SFMBT1: variants seen among roughly 807,000 people sequenced by gnomAD.
The protein encoded by SFMBT1 is Scm like with four mbt domains 1.
In SFMBT1, 32 loss-of-function variants were observed where a neutral mutation model predicts 108.7. That is an observed-to-expected ratio of 0.29 (90% CI 0.22 to 0.40). SFMBT1 has a LOEUF of 0.40. Ranked by LOEUF, SFMBT1 falls within the 10% of genes least tolerant of loss-of-function variation. SFMBT1 has a pLI of 1.00. For synonymous variants in SFMBT1, 348 were observed against 369.5 expected (o/e 0.94, Z 0.67); for missense variants, 816 against 1,059.6 (o/e 0.77, Z 3.19).
At chr3:53,041,304 G>C (rs1316987308) in intron 1 of SFMBT1, among the ~76,000 whole-genome samples, 1 of 152,096 alleles carries the variant, frequency 6.6e-6, no homozygotes, top group Non-Finnish European at 1.5e-5. Flanking sequence ...GAAGTCATAT[G>C]ATTTTTCTAT....
chr3:52,919,332 A>G (rs752861374), intron 12 of SFMBT1, among the ~76,000 whole-genome samples: 3 of 152,222 alleles, frequency 2.0e-5, no homozygotes, highest in Non-Finnish European at 4.4e-5. Context: ...AGCATGGAAT[A>G]TTATTCAGCT....
intron 10 of SFMBT1, among the ~76,000 whole-genome samples, chr3:52,923,426 G>A (rs965454706): frequency 2.0e-5 from 3 of 151,998 alleles, no homozygotes; most frequent in Non-Finnish European, 4.4e-5. Flanking sequence ...AATTAGCTGG[G>A]TGTGGTGGCG....
chr3:53,045,388 G>A (rs1390008990), intron 1 of SFMBT1: 9 of 143,126 alleles, frequency 6.3e-5, no homozygotes, highest in Non-Finnish European at 1.2e-4. Flanking sequence ...GCGCGGGGAG[G>A]GGCGCGCGGC....
At position 52,916,945 on chromosome 3, in the gene SFMBT1, T is replaced by C. The variant is rs76199699; in HGVS notation, c.1416-731A>G. Among the ~76,000 whole-genome samples, 20 of 152,272 alleles carry C rather than the reference T, an allele frequency of 1.3e-4. No individual in the cohort carries two copies. In the East Asian group the frequency reaches 2.5e-3, roughly 19 times the overall value. On this transcript the variant is annotated intron_variant, in intron 13 of 20. Transcript: ENST00000394752. Reference sequence around the variant, plus strand: ...GGGTTCGTTTTCTTCGTCCATCAGTTTTCAAATTAAAGACAAATTATGTTA... The same window carrying C: ...GGGTTCGTTTTCTTCGTCCATCAGTCTTCAAATTAAAGACAAATTATGTTA...
rs984747434 is a variant in SFMBT1 at position 53,000,153 on chromosome 3, C to T, written c.-130-30895G>A. On this transcript the variant is annotated intron_variant, in intron 1 of 20. Transcript: ENST00000394752. ...CTGGGATTACAGGCGTGAGCCACCG[C>T]ACCCAGCCTACTCTTACATTTTTTT... is the stretch of plus-strand genomic sequence containing the variant. Among the ~76,000 whole-genome samples, 17 of 150,208 alleles carry T rather than the reference C, an allele frequency of 1.1e-4. 3 individuals are homozygous for T. The highest frequency in any genetic ancestry group is 6.0e-4 in the Admixed American group (9 of 14,882).
intron 1 of SFMBT1, among the ~76,000 whole-genome samples, chr3:53,023,043 A>G (rs1699368324): frequency 6.6e-6 from 1 of 152,264 alleles, no homozygotes; most frequent in Non-Finnish European, 1.5e-5. Context: ...ACTTCATATC[A>G]TAAATCATGT....
At chr3:52,917,896 C>T (rs951962827) in intron 13 of SFMBT1, among the ~76,000 whole-genome samples, 4 of 152,100 alleles carry the variant, frequency 2.6e-5, no homozygotes, top group African/African-American at 9.7e-5. Flanking sequence ...TTAAAGCCAC[C>T]GAGCCTGTGG....
chr3:53,002,697 C>T (rs1698600982), intron 1 of SFMBT1, among the ~76,000 whole-genome samples: 1 of 150,216 alleles, frequency 6.7e-6, no homozygotes, highest in Admixed American at 6.7e-5. Context: ...CAAGAGCCCA[C>T]AAACTCAACA....
intron 1 of SFMBT1, among the ~76,000 whole-genome samples, chr3:52,989,500 T>C (rs1384603465): frequency 6.6e-6 from 1 of 150,972 alleles, no homozygotes; most frequent in African/African-American, 2.4e-5. Context: ...AATGTTCATG[T>C]TTTATAAGAA....
At chr3:52,916,258 A>G in intron 13 of SFMBT1, 44 bp from the exon 14 acceptor site, 1 of 1,563,886 alleles carries the variant, frequency 6.4e-7, no homozygotes, top group Non-Finnish European at 8.8e-7. Context: ...AATTCTTAAG[A>G]TCAGTAAAGT....
intron 18 of SFMBT1, 115 bp downstream of exon 18, chr3:52,907,440 A>G: frequency 6.6e-7 from 1 of 1,518,138 alleles, no homozygotes; most frequent in Non-Finnish European, 8.8e-7. Context: ...CCACAAAACC[A>G]TCTTCTATTG....
intron 14 of SFMBT1, among the ~76,000 whole-genome samples, 183 bp downstream of exon 14, chr3:52,915,967 C>G (rs1702337287): frequency 6.6e-6 from 1 of 152,172 alleles, no homozygotes. Flanking sequence ...ACGGAACTAT[C>G]AGCCTAGAGA....
At chr3:52,950,784 T>C (rs1703553010) in intron 3 of SFMBT1, among the ~76,000 whole-genome samples, 1 of 152,052 alleles carries the variant, frequency 6.6e-6, no homozygotes, top group South Asian at 2.1e-4. Context: ...GCTGTCATTA[T>C]TTTGAATAAA....
At chr3:52,952,849 A>G (rs1703639816) in intron 3 of SFMBT1, among the ~76,000 whole-genome samples, 1 of 152,190 alleles carries the variant, frequency 6.6e-6, no homozygotes, top group South Asian at 2.1e-4. Flanking sequence ...TAGAGGTCAT[A>G]AGGATGGAGC....
intron 8 of SFMBT1, among the ~76,000 whole-genome samples, chr3:52,929,250 T>G (rs1176060351): frequency 4.6e-5 from 7 of 152,144 alleles, no homozygotes; most frequent in African/African-American, 1.7e-4. Flanking sequence ...ATTTATTTAT[T>G]TATTTAGAGA....
At chr3:53,002,818 A>ACAATG (rs1698604026) in intron 1 of SFMBT1, among the ~76,000 whole-genome samples, 2 of 150,534 alleles carry the variant, frequency 1.3e-5, no homozygotes, top group African/African-American at 4.8e-5. Context: ...ATGAGAAAAT[A>ACAATG]TAATGTAAGT....
chr3:52,960,621 A>G (rs962754894), intron 2 of SFMBT1, among the ~76,000 whole-genome samples: 1 of 151,322 alleles, frequency 6.6e-6, no homozygotes, highest in African/African-American at 2.4e-5. Flanking sequence ...CATATGATCT[A>G]TCTATCTATC....
Position 53,036,958 on chromosome 3 carries a change from T to C in SFMBT1, c.-131+8858A>G, listed in dbSNP as rs6762568. On this transcript the variant is annotated intron_variant, in intron 1 of 20. Coordinates refer to ENST00000394752, the MANE Select transcript of SFMBT1 (RefSeq NM_016329.4). ...TCCAGGCCTGATGGGGCTGGGACTC[T>C]GGGAGAAAATGAAGGTCACAATGAG... Among the ~76,000 whole-genome samples, 1,143 of 152,216 alleles carry C rather than the reference T, an allele frequency of 7.5e-3. 18 individuals carry two copies. The highest frequency in any genetic ancestry group is 0.025 in the African/African-American group (1,059 of 41,540).
chr3:53,033,867 C>T (rs1305653135), intron 1 of SFMBT1, among the ~76,000 whole-genome samples: 1 of 151,134 alleles, frequency 6.6e-6, no homozygotes, highest in Non-Finnish European at 1.5e-5. Flanking sequence ...GTCAGGAGCT[C>T]GAGACCAGCC....
Sources: allele counts gnomAD v4.1 joint callset (sites outside exome capture counted in the v4.1 genomes callset), GRCh38; gene constraint gnomAD v4.1.1; transcripts MANE v1.5; gene names NCBI Gene and HGNC (gene_info 2026-07-23, HGNC 2026-07-21).